Variants in TMEM94 observed in about 807,000 individuals in gnomAD.
TMEM94 encodes transmembrane protein 94.
Under a neutral mutation model 158.6 loss-of-function variants are expected in TMEM94, and 81 were observed. The ratio of observed to expected loss-of-function variants is 0.51; its 90% CI spans 0.43 to 0.61. TMEM94 has a LOEUF of 0.61. Among genes scored for constraint, TMEM94 ranks in the 20% least tolerant of loss-of-function variants. The pLI is 0.00. For synonymous variants in TMEM94, 751 were observed against 730.7 expected, an observed-to-expected ratio of 1.03 and a Z score of -0.45; for missense variants, 1,435 against 1,762.0, an observed-to-expected ratio of 0.81 and a Z score of 3.32.
Position 75,499,491 on chromosome 17 carries a change from T to A in TMEM94, c.*157T>A. ...CCCGTGTCAGACCCCGCTGTCTTCC[T>A]GAGCCCTGGGGCTCACTGTGGAGGA... On this transcript the variant is annotated 3_prime_UTR_variant, in exon 32 of 32. Coordinates refer to ENST00000314256, the MANE Select transcript of TMEM94 (RefSeq NM_014738.6). 2 of 695,530 alleles carry A rather than the reference T, an allele frequency of 2.9e-6. No homozygotes were observed. The highest frequency in any genetic ancestry group is 4.9e-6 in the Non-Finnish European group (2 of 410,130). The allele number at this position is 695,530 out of a possible 1,614,324, so 43.1% of individuals were successfully genotyped here.
chr17:75,468,274 A>T (rs1329171065), intron 1 of TMEM94, among the ~76,000 whole-genome samples: 1 of 152,222 alleles, frequency 6.6e-6, no homozygotes. Context: ...GGGAAAACAG[A>T]GACTCTTAGA....
rs2051975416 is a variant in TMEM94 at position 75,489,742 on chromosome 17, C to T, written c.954+80C>T. 1 of 1,224,006 alleles carries T rather than the reference C, an allele frequency of 8.2e-7. No individual in the cohort carries two copies. The highest frequency in any genetic ancestry group is 1.5e-5 in the African/African-American group (1 of 67,224). 75.8% of individuals were successfully genotyped at this position (1,224,006 alleles called of 1,614,324 possible). On this transcript the variant is annotated intron_variant, in intron 9 of 31. Coordinates refer to ENST00000314256, the MANE Select transcript of TMEM94 (RefSeq NM_014738.6). The surrounding 1 kb of genome is among the most constrained non-coding windows in gnomAD (Gnocchi z 5.0). Reference sequence around the variant, plus strand: ...TCTTCTCCTAGTACCCTGGCTGTCCCTCCCTCTCTGCAGCCCAGAGGTCCC... The same window carrying T: ...TCTTCTCCTAGTACCCTGGCTGTCCTTCCCTCTCTGCAGCCCAGAGGTCCC...
Position 75,489,681 on chromosome 17 carries a change from T to C in TMEM94, c.954+19T>C. The C allele has an allele frequency of 1.9e-6, 3 of 1,600,720 alleles. No individual in the cohort carries two copies. Among genetic ancestry groups the C allele is most frequent in the South Asian group, 1.1e-5 (1 of 90,776 alleles). The stretch of plus-strand genomic sequence containing the variant: ...GCTCCAGGCAAGGACCACCCTGTCC[T>C]CTCTGTCATGCTTCCCTCCGACCCG... On this transcript the variant is annotated intron_variant, in intron 9 of 31. Coordinates refer to ENST00000314256, the MANE Select transcript of TMEM94 (RefSeq NM_014738.6). This position sits in a 1 kb window ranked among gnomAD's most constrained non-coding sequence, Gnocchi z 5.0.
At position 75,485,476 on chromosome 17, in the gene TMEM94, G is replaced by A. The variant is rs746256036; in HGVS notation, c.73G>A (p.Val25Ile). The A allele has an allele frequency of 4.5e-5, 72 of 1,614,060 alleles. No homozygotes were observed. In the South Asian group the frequency reaches 5.7e-4, roughly 13 times the overall value. ...LGLSTRKALS[V>I]LKEQLEAVLE... The stretch of plus-strand genomic sequence containing the variant: ...CCTGTCCACGCGGAAGGCCCTCAGC[G>A]TCCTGAAGGAGCAGCTGGAGGCAGT... The change falls in exon 3 of 32, where the codon GTC becomes ATC. Residue 25 changes from valine to isoleucine, a missense_variant. Around this residue, in one of 3 missense-constraint regions of TMEM94, gnomAD observed 1,051 missense variants for 1,254.4 expected, o/e 0.84. Coordinates refer to ENST00000314256, the MANE Select transcript of TMEM94 (RefSeq NM_014738.6). The surrounding 1 kb of genome is among the most constrained non-coding windows in gnomAD (Gnocchi z 5.5).
rs779627525 is a variant in TMEM94 at position 75,461,251 on chromosome 17, T to C, written c.-107+4500T>C. On this transcript the variant is annotated intron_variant, in intron 1 of 31. Coordinates refer to ENST00000314256, the MANE Select transcript of TMEM94 (RefSeq NM_014738.6). ...AGTAGCTGGGAATATAGGTGCACAC[T>C]ACCGTGCCCGGCTAATTTTTGTATT... Among the ~76,000 whole-genome samples the C allele has an allele frequency of 2.5e-4, 38 of 151,808 alleles. 1 individual carries two copies. The highest frequency in any genetic ancestry group is 2.5e-3 in the Admixed American group (38 of 15,208).
At chr17:75,483,860 TA>T (rs1377835134) in intron 2 of TMEM94, among the ~76,000 whole-genome samples, 1 of 151,998 alleles carries the variant, frequency 6.6e-6, no homozygotes, top group East Asian at 1.9e-4. Flanking sequence ...AGACTTGAAG[TA>T]AAATAGGAGT....
At chr17:75,477,737 G>A (rs12936372) in intron 2 of TMEM94, among the ~76,000 whole-genome samples, 4 of 152,032 alleles carry the variant, frequency 2.6e-5, no homozygotes, top group South Asian at 2.1e-4. Context: ...GCGGCCGGGC[G>A]CAGTGGTTCA....
chr17:75,499,176 A>ATCCC, intron 31 of TMEM94, 86 bp from the exon 32 acceptor site: 1 of 1,591,508 alleles, frequency 6.3e-7, no homozygotes, highest in Non-Finnish European at 8.6e-7. Context: ...TCCGCTGCCC[A>ATCCC]TCCCTCCCTC....
At position 75,462,008 on chromosome 17, in the gene TMEM94, TTTG is replaced by T. The variant is rs1354298188; in HGVS notation, c.-107+5260_-107+5262del. 1.0e-4 allele frequency among the ~76,000 whole-genome samples: 10 copies of T among 96,496 alleles called. 1 individual carries two copies. Among genetic ancestry groups the T allele is most frequent in the East Asian group, 4.5e-4 (2 of 4,402 alleles). 63.3% of individuals were successfully genotyped at this position (96,496 alleles called of 152,430 possible). ...TACAGTTTTTTTTGTTTTGTTTTGT[TTTG>T]TTTTTTTTTTTTTTGAGGCAGAGTC... On this transcript the variant is annotated intron_variant, in intron 1 of 31. Coordinates refer to ENST00000314256, the MANE Select transcript of TMEM94 (RefSeq NM_014738.6).
intron 1 of TMEM94, among the ~76,000 whole-genome samples, chr17:75,459,448 G>T (rs759801083): frequency 5.1e-4 from 78 of 152,222 alleles, no homozygotes; most frequent in Admixed American, 3.2e-3. Context: ...ATTTTGAGAA[G>T]TTGCTAGGTG....
chr17:75,470,918 CAAAAT>C (rs1386948296), intron 1 of TMEM94, among the ~76,000 whole-genome samples: 1 of 38,246 alleles, frequency 2.6e-5, no homozygotes, highest in Admixed American at 1.4e-4. Context: ...GACTCTGTCT[CAAAAT>C]AATAATAATA....
intron 16 of TMEM94, 118 bp from the exon 17 acceptor site, chr17:75,493,373 G>T (rs1036220066): frequency 1.9e-6 from 2 of 1,039,216 alleles, no homozygotes; most frequent in Non-Finnish European, 1.5e-6. Context: ...GTCCCAGGGA[G>T]TCTCCTCCTC....
rs2052603271 is a variant in TMEM94, at chr17:75,495,582, C to T, written c.2883C>T (p.His961=). 2 of 1,613,590 alleles carry T rather than the reference C, an allele frequency of 1.2e-6. No individual in the cohort carries two copies. Among genetic ancestry groups the T allele is most frequent in the Non-Finnish European group, 1.7e-6 (2 of 1,180,006 alleles). The change falls in exon 22 of 32, where the codon CAC becomes CAT. Residue 961 remains histidine (H), a synonymous_variant. Transcript: ENST00000314256. The surrounding 1 kb of genome is among the most constrained non-coding windows in gnomAD (Gnocchi z 5.6). The part of the protein sequence containing the change: ...LPRGIHQVRP[H]LQNIDNVPLL... ...GGGGTATCCACCAAGTGCGGCCCCA[C>T]CTGCAGAACATTGACAACGTGCCCC...
chr17:75,490,126 C>G, intron 9 of TMEM94, 108 bp from the exon 10 acceptor site: 1 of 1,455,408 alleles, frequency 6.9e-7, no homozygotes. Context: ...CCTGAGAGAG[C>G]TGGCCCTTCC....
At chr17:75,482,146 C>T (rs1336848278) in intron 2 of TMEM94, among the ~76,000 whole-genome samples, 2 of 152,122 alleles carry the variant, frequency 1.3e-5, no homozygotes, top group Non-Finnish European at 2.9e-5. Context: ...AGCTCGAGAC[C>T]AGCCTGGGCA....
At chr17:75,464,343 C>G (rs1400760830) in intron 1 of TMEM94, among the ~76,000 whole-genome samples, 3 of 152,018 alleles carry the variant, frequency 2.0e-5, no homozygotes, top group South Asian at 4.1e-4. Context: ...AATTGTCAGG[C>G]ATAGTGGCAC....
Position 75,498,165 on chromosome 17 carries a change from G to T in TMEM94, c.3490-10G>T. On this transcript the variant is annotated splice_polypyrimidine_tract_variant and intron_variant, in intron 27 of 31. Transcript: ENST00000314256. This position sits in a 1 kb window ranked among gnomAD's most constrained non-coding sequence, Gnocchi z 6.7. ...GTGCGCCCCAGGAGTGACTGGCCTT[G>T]TTCCCGCAGACCCAGCACTACTTCC... is the stretch of plus-strand genomic sequence containing the variant. 1.2e-6 allele frequency: 2 copies of T among 1,613,698 alleles called. No homozygotes were observed. The highest frequency in any genetic ancestry group is 1.7e-6 in the Non-Finnish European group (2 of 1,179,984).
rs1045350843 is a variant in TMEM94, at chr17:75,485,172, G to A, written c.25-256G>A. 1.3e-5 allele frequency among the ~76,000 whole-genome samples: 2 copies of A among 152,196 alleles called. No homozygotes were observed. The highest frequency in any genetic ancestry group is 6.5e-5 in the Admixed American group (1 of 15,284). On this transcript the variant is annotated intron_variant, in intron 2 of 31. Coordinates refer to ENST00000314256, the MANE Select transcript of TMEM94 (RefSeq NM_014738.6). The surrounding 1 kb of genome is among the most constrained non-coding windows in gnomAD (Gnocchi z 5.5). ...TGGGGAAAGTGAGTTGGGGAACATG[G>A]AATAAAAGAAAAAGTTGTTTTGTTT...
intron 1 of TMEM94, among the ~76,000 whole-genome samples, chr17:75,461,901 A>G (rs980993010): frequency 6.7e-6 from 1 of 149,622 alleles, no homozygotes; most frequent in Non-Finnish European, 1.5e-5. Context: ...ACGACAGAGC[A>G]AGACTCCGTC....
Sources: gnomAD v4.1 joint callset for allele counts (sites outside exome capture counted in the v4.1 genomes callset) on GRCh38, gnomAD v4.1.1 for gene constraint, gnomAD v4.1.1 regional missense constraint, Gnocchi (gnomAD v3.1) non-coding constraint, MANE v1.5 for transcripts, NCBI Gene and HGNC (gene_info 2026-07-23, HGNC 2026-07-21) for gene names.